The following RAB31 variants were observed in gnomAD, a reference collection of about 807,000 sequenced individuals.
The protein encoded by RAB31 is ras-related protein Rab-31.
In RAB31, 21 loss-of-function variants were observed where a neutral mutation model predicts 25.6. That is an observed-to-expected ratio of 0.82 (90% CI 0.58 to 1.18). The LOEUF is 1.18. Among genes scored for constraint, RAB31 ranks in the 50% most tolerant of loss-of-function variants. The pLI is 0.00. For missense variants in RAB31, 196 were observed against 250.1 expected (o/e 0.78, Z 1.46); for synonymous variants, 87 against 84.0 (o/e 1.04, Z -0.20).
chr18:9,723,827 G>A (rs1014370655), intron 1 of RAB31: 6 of 152,106 alleles, frequency 3.9e-5, no homozygotes, highest in East Asian at 3.9e-4. Flanking sequence ...CCAGTGGAAC[G>A]GCATTAAGTG....
chr18:9,729,359 G>A (rs2068110660), intron 1 of RAB31, among the ~76,000 whole-genome samples: 1 of 151,890 alleles, frequency 6.6e-6, no homozygotes, highest in Non-Finnish European at 1.5e-5. Context: ...AACCCCATCT[G>A]TACTAAAAAT....
chr18:9,832,441 G>A (rs1252258258), intron 5 of RAB31, among the ~76,000 whole-genome samples: 9 of 152,222 alleles, frequency 5.9e-5, no homozygotes, highest in Non-Finnish European at 1.3e-4. Flanking sequence ...GGGGCAAACC[G>A]TGGACGATCT....
At chr18:9,782,737 C>T (rs1051361096) in intron 2 of RAB31, among the ~76,000 whole-genome samples, 1 of 152,116 alleles carries the variant, frequency 6.6e-6, no homozygotes, top group African/African-American at 2.4e-5. Context: ...TGCTCTGTCA[C>T]CCAGGCTGGA....
At chr18:9,829,403 T>G (rs186016722) in intron 5 of RAB31, among the ~76,000 whole-genome samples, 11 of 152,376 alleles carry the variant, frequency 7.2e-5, no homozygotes, top group Middle Eastern at 3.4e-3. Context: ...TTCTACATAT[T>G]CATTGCTGTC....
At position 9,859,311 on chromosome 18, in the gene RAB31, C is replaced by T. The variant is rs773427704; in HGVS notation, c.574C>T (p.Arg192Cys). 4.3e-6 allele frequency: 7 copies of T among 1,612,504 alleles called. No homozygotes were observed. The highest frequency in any genetic ancestry group is 3.3e-5 in the Admixed American group (2 of 59,992). Residue 192 changes from arginine to cysteine, a missense_variant, in exon 7 of 7, where the codon CGC becomes TGC. Arg to Cys is a radical substitution (Grantham distance 180, BLOSUM62 -3). Coordinates refer to ENST00000578921, the MANE Select transcript of RAB31 (RefSeq NM_006868.4). ...KVEKPTMQAS[R>C]RCC ...TGAGAAGCCAACCATGCAAGCCAGC[C>T]GCCGGTGCTGTTGACCCAAGGGCCG... is the stretch of plus-strand genomic sequence containing the variant.
chr18:9,774,666 T>A (rs929292471), intron 1 of RAB31, among the ~76,000 whole-genome samples: 3 of 152,206 alleles, frequency 2.0e-5, no homozygotes, highest in Non-Finnish European at 4.4e-5. Flanking sequence ...TATAAATGCG[T>A]GCATTGAATT....
chr18:9,741,376 CAAAAAAAAAAAAA>C (rs71169903), intron 1 of RAB31, among the ~76,000 whole-genome samples: 2 of 31,230 alleles, frequency 6.4e-5, no homozygotes, highest in African/African-American at 1.9e-4. Flanking sequence ...AACTCCGTCT[CAAAAAAAAAAAAA>C]AAAAAAAAAA....
chr18:9,709,773 G>T (rs1333869570), intron 1 of RAB31, among the ~76,000 whole-genome samples: 1 of 152,178 alleles, frequency 6.6e-6, no homozygotes, highest in Non-Finnish European at 1.5e-5. Context: ...ATCTAGTCTG[G>T]TCTTTCTCTG....
intron 1 of RAB31, among the ~76,000 whole-genome samples, chr18:9,751,070 G>A (rs192180402): frequency 6.6e-6 from 1 of 152,194 alleles, no homozygotes; most frequent in East Asian, 1.9e-4. Context: ...AGTCTCGCAT[G>A]GTCACCCGGG....
intron 5 of RAB31, among the ~76,000 whole-genome samples, chr18:9,837,529 A>G (rs917787384): frequency 2.0e-5 from 3 of 152,242 alleles, no homozygotes; most frequent in Admixed American, 2.0e-4. Context: ...TCAAATACAA[A>G]CAGCAGGTTG....
chr18:9,810,324 G>C (rs941491916), intron 3 of RAB31, among the ~76,000 whole-genome samples: 1 of 152,180 alleles, frequency 6.6e-6, no homozygotes, highest in Non-Finnish European at 1.5e-5. Flanking sequence ...CATTCCATCA[G>C]TCTTATTTCT....
chr18:9,708,512 C>A lies in RAB31; in HGVS notation c.39+68C>A. On this transcript the variant is annotated intron_variant, in intron 1 of 6. Coordinates refer to ENST00000578921, the MANE Select transcript of RAB31 (RefSeq NM_006868.4). This position sits in a 1 kb window ranked among gnomAD's most constrained non-coding sequence, Gnocchi z 6.4. ...TCTCGCGCCCCTTCGCTCCCCTATT[C>A]CCTGCGCGCTCAGTCCCCGTGATCC... The A allele has an allele frequency of 7.2e-7, 1 of 1,381,330 alleles. No homozygotes were observed. Among genetic ancestry groups the A allele is most frequent in the Non-Finnish European group, 9.8e-7 (1 of 1,024,458 alleles). 85.6% of individuals were successfully genotyped at this position (1,381,330 alleles called of 1,614,324 possible). A position where few individuals can be genotyped will look rare whatever the true frequency, so the allele number is the denominator to read the frequency against.
At chr18:9,764,474 A>G (rs1296447748) in intron 1 of RAB31, among the ~76,000 whole-genome samples, 1 of 152,224 alleles carries the variant, frequency 6.6e-6, no homozygotes, top group Non-Finnish European at 1.5e-5. Flanking sequence ...TTACAGGCCC[A>G]CTGGGAGAAT....
At chr18:9,754,073 G>A (rs1011285486) in intron 1 of RAB31, among the ~76,000 whole-genome samples, 1 of 152,112 alleles carries the variant, frequency 6.6e-6, no homozygotes, top group Admixed American at 6.5e-5. Flanking sequence ...GCCACTCTGC[G>A]TCATGAAGAG....
intron 5 of RAB31, among the ~76,000 whole-genome samples, chr18:9,830,880 A>G (rs1485222091): frequency 6.6e-6 from 1 of 152,180 alleles, no homozygotes; most frequent in Non-Finnish European, 1.5e-5. Context: ...GGATTTTGAT[A>G]TGTATGCTGC....
intron 5 of RAB31, among the ~76,000 whole-genome samples, chr18:9,829,112 T>C (rs1488582593): frequency 6.6e-6 from 1 of 152,190 alleles, no homozygotes; most frequent in African/African-American, 2.4e-5. Context: ...AAGCATATCG[T>C]AAGGAATACT....
intron 5 of RAB31, among the ~76,000 whole-genome samples, chr18:9,823,571 G>C (rs1030080650): frequency 1.3e-5 from 2 of 152,018 alleles, no homozygotes; most frequent in Non-Finnish European, 2.9e-5. Context: ...GCATGTAAAC[G>C]AATCTACGGT....
chr18:9,712,693 A>G (rs751443832), intron 1 of RAB31, among the ~76,000 whole-genome samples: 9 of 152,044 alleles, frequency 5.9e-5, no homozygotes, highest in Non-Finnish European at 8.8e-5. Context: ...GAAGGAGGGG[A>G]CCTTTGTTTT....
chr18:9,855,702 G>C (rs2068812521), intron 6 of RAB31, among the ~76,000 whole-genome samples: 2 of 152,204 alleles, frequency 1.3e-5, no homozygotes, highest in South Asian at 4.2e-4. Context: ...TTATGATCTG[G>C]CTTTTCTCTT....
Sources: gnomAD v4.1 joint callset for allele counts (sites outside exome capture counted in the v4.1 genomes callset) on GRCh38, gnomAD v4.1.1 for gene constraint, Gnocchi (gnomAD v3.1) non-coding constraint, MANE v1.5 for transcripts, NCBI Gene and HGNC (gene_info 2026-07-23, HGNC 2026-07-21) for gene names.